Variants in COL11A1 observed in about 807,000 individuals in gnomAD.
COL11A1 encodes collagen type XI alpha 1 chain.
A neutral mutation model predicts 265.2 loss-of-function variants in COL11A1; 74 were observed. That is an observed-to-expected ratio of 0.28 (90% CI 0.23 to 0.34). COL11A1 has a LOEUF of 0.34. COL11A1 is among the 10% of genes least tolerant of loss of function. The pLI, the probability that COL11A1 is intolerant of heterozygous loss-of-function variation, is 1.00. For synonymous variants in COL11A1, 816 were observed against 727.6 expected (o/e 1.12, Z -1.96); for missense variants, 2,165 against 2,263.6 (o/e 0.96, Z 0.88).
intron 5 of COL11A1, chr1:103,030,767 AAT>A (rs1667919926): frequency 3.1e-6 from 1 of 320,304 alleles, no homozygotes; most frequent in South Asian, 2.7e-5. Flanking sequence ...TACACCAGAA[AAT>A]ATGTTATTCT....
intron 62 of COL11A1, among the ~76,000 whole-genome samples, chr1:102,887,311 C>A (rs1189212191): frequency 2.0e-5 from 3 of 151,916 alleles, no homozygotes; most frequent in Admixed American, 1.3e-4. Flanking sequence ...AATAATATAG[C>A]ACAGATTTGT....
intron 43 of COL11A1, 38 bp from the exon 44 acceptor site, chr1:102,939,126 C>A: frequency 6.6e-7 from 1 of 1,509,112 alleles, no homozygotes; most frequent in Non-Finnish European, 9.2e-7. Context: ...TTATCTCTAA[C>A]ATGCTATTGC....
chr1:103,067,462 T>C (rs1671244106), intron 4 of COL11A1, among the ~76,000 whole-genome samples: 1 of 151,740 alleles, frequency 6.6e-6, no homozygotes, highest in African/African-American at 2.4e-5. Context: ...CATAGTAAAA[T>C]TGTGTTACGC....
At chr1:102,931,936 A>G (rs1404187957) in intron 46 of COL11A1, among the ~76,000 whole-genome samples, 2 of 150,300 alleles carry the variant, frequency 1.3e-5, no homozygotes, top group Non-Finnish European at 1.5e-5. Flanking sequence ...TTTGTTTTCC[A>G]TTTGCTTGGT....
At chr1:102,904,529 A>C (rs1223015727) in intron 54 of COL11A1, among the ~76,000 whole-genome samples, 2 of 137,500 alleles carry the variant, frequency 1.5e-5, no homozygotes, top group Non-Finnish European at 3.2e-5. Context: ...AATTTACAAG[A>C]AAAAAACAAA....
chr1:102,929,980 G>A (rs1657185265), intron 46 of COL11A1, among the ~76,000 whole-genome samples: 1 of 152,152 alleles, frequency 6.6e-6, no homozygotes, highest in Admixed American at 6.5e-5. Context: ...ATCAGCTTAA[G>A]GAGATTTTGG....
intron 58 of COL11A1, among the ~76,000 whole-genome samples, chr1:102,890,190 G>A (rs1195368504): frequency 6.6e-6 from 1 of 151,938 alleles, no homozygotes; most frequent in Admixed American, 6.6e-5. Context: ...AGTTATTTTA[G>A]TATAACCATA....
In COL11A1 at chr1:102,897,251, T is replaced by C. The variant is rs541105997; in HGVS notation, c.4302+874A>G. Among the ~76,000 whole-genome samples the C allele has an allele frequency of 2.6e-5, 4 of 152,044 alleles. No homozygotes were observed. In the South Asian group the frequency reaches 8.3e-4, roughly 32 times the overall value. ...TGTGATGGCTTTGTGCGTATGTTTC[T>C]ATCTCTGAGATAATTAATATATTTA... On this transcript the variant is annotated intron_variant, in intron 57 of 66. Transcript: ENST00000370096.
chr1:102,915,096 G>T (rs949385597), intron 50 of COL11A1, among the ~76,000 whole-genome samples: 3 of 152,170 alleles, frequency 2.0e-5, no homozygotes, highest in Admixed American at 6.5e-5. Context: ...AGTAGAGACG[G>T]GGTTTTACCA....
intron 4 of COL11A1, among the ~76,000 whole-genome samples, chr1:103,044,477 C>A (rs1255714808): frequency 6.6e-6 from 1 of 152,030 alleles, no homozygotes; most frequent in African/African-American, 2.4e-5. Flanking sequence ...CCAAGTACTA[C>A]AGAAAATGCC....
intron 41 of COL11A1, among the ~76,000 whole-genome samples, chr1:102,958,530 T>A (rs913832467): frequency 6.6e-6 from 1 of 152,170 alleles, no homozygotes; most frequent in Non-Finnish European, 1.5e-5. Context: ...TAAGGCTCGC[T>A]CAGCACTTGT....
chr1:103,022,772 T>C lies in COL11A1; in HGVS notation c.1215A>G (p.Val405=). 1 of 1,613,728 alleles carries C rather than the reference T, an allele frequency of 6.2e-7. No individual in the cohort carries two copies. The change falls in exon 8 of 67, where the codon GTA becomes GTG. Residue 405 remains valine (V), a synonymous_variant. Coordinates refer to ENST00000370096, the MANE Select transcript of COL11A1 (RefSeq NM_001854.4). ...SPPNEEFGPG[V]PAETDITETS... is the part of the protein sequence containing the mutation. ...TTTCTGTAATATCAGTTTCTGCTGG[T>C]ACACCTGGACCAAATTCTTCATTAG...
rs746478999 is a variant in COL11A1 at position 103,008,511 on chromosome 1, C to A, written c.1635G>T (p.Gly545=). The change falls in exon 15 of 67, where the codon GGG becomes GGT. Residue 545 remains glycine (G), a synonymous_variant. Coordinates refer to ENST00000370096, the MANE Select transcript of COL11A1 (RefSeq NM_001854.4). ...GLTGRPGPVG[G]PGSSGAKGES... ...CACCTTTGGCCCCAGATGAACCAGGCCCCCCCTATAGAGAAAAAGTGAAGA... is the reference window on the plus strand; with the variant it reads ...CACCTTTGGCCCCAGATGAACCAGGACCCCCCTATAGAGAAAAAGTGAAGA... 2 of 1,612,818 alleles carry A rather than the reference C, an allele frequency of 1.2e-6. No individual in the cohort carries two copies. The highest frequency in any genetic ancestry group is 1.3e-5 in the African/African-American group (1 of 74,832).
At chr1:102,927,349 C>T (rs1425723447) in intron 46 of COL11A1, among the ~76,000 whole-genome samples, 1 of 151,942 alleles carries the variant, frequency 6.6e-6, no homozygotes, top group African/African-American at 2.4e-5. Context: ...ACAGAATAAG[C>T]AAGTGGAAGA....
Position 102,908,328 on chromosome 1 carries a change from C to T in COL11A1, c.4086+3831G>A, listed in dbSNP as rs371396033. ...TATGTTACAAATATTTTCTCCTAAT[C>T]GGATCTTTTTGTTCCAATGTCTTCT... On this transcript the variant is annotated intron_variant, in intron 54 of 66. Transcript: ENST00000370096. 5.3e-5 allele frequency among the ~76,000 whole-genome samples: 8 copies of T among 152,094 alleles called. No individual in the cohort carries two copies. The East Asian group carries it at 5.8e-4, about 11-fold the overall frequency.
intron 4 of COL11A1, among the ~76,000 whole-genome samples, chr1:103,032,310 T>C (rs947582997): frequency 1.3e-5 from 2 of 152,062 alleles, no homozygotes; most frequent in Admixed American, 1.3e-4. Flanking sequence ...GGAAATTAAA[T>C]TACAAAAATC....
intron 1 of COL11A1, among the ~76,000 whole-genome samples, chr1:103,092,614 C>A (rs1673416124): frequency 6.6e-6 from 1 of 152,080 alleles, no homozygotes. Context: ...TGTTAGCCAC[C>A]TCCTGTTGCT....
chr1:102,914,590 AAAGT>A, intron 51 of COL11A1, 110 bp downstream of exon 51: 1 of 993,992 alleles, frequency 1.0e-6, no homozygotes, highest in Non-Finnish European at 1.5e-6. Context: ...GAAATGATGA[AAAGT>A]CAGATTTACC....
At chr1:102,924,200 G>A (rs143889339) in intron 46 of COL11A1, among the ~76,000 whole-genome samples, 3,027 of 152,250 alleles carry the variant, frequency 0.02, 124 homozygotes, top group African/African-American at 0.069. Context: ...CAACCTGGGT[G>A]ACAGAGCAAG....
Sources: gnomAD v4.1 joint callset for allele counts (sites outside exome capture counted in the v4.1 genomes callset) on GRCh38, gnomAD v4.1.1 for gene constraint, MANE v1.5 for transcripts, NCBI Gene and HGNC (gene_info 2026-07-23, HGNC 2026-07-21) for gene names.